Variants in MSI2 observed in about 807,000 individuals in gnomAD.
MSI2 encodes the protein RNA-binding protein Musashi homolog 2.
A neutral mutation model predicts 45.6 loss-of-function variants in MSI2; 17 were observed. That is an observed-to-expected ratio of 0.37 (90% confidence interval 0.26 to 0.56). MSI2 has a LOEUF of 0.56. Among genes scored for constraint, MSI2 ranks in the 20% least tolerant of loss-of-function variants. The pLI is 0.77. For synonymous variants in MSI2, 156 were observed against 158.2 expected, an observed-to-expected ratio of 0.99 and a Z score of 0.11; for missense variants, 293 against 444.2, an observed-to-expected ratio of 0.66 and a Z score of 3.06.
intron 6 of MSI2, among the ~76,000 whole-genome samples, chr17:57,518,655 G>A (rs557902538): frequency 6.6e-6 from 1 of 152,322 alleles, no homozygotes; most frequent in South Asian, 2.1e-4. Flanking sequence ...GAGCTGGCAG[G>A]CTTGGGCCTT....
At chr17:57,395,255 A>G (rs34217623) in intron 5 of MSI2, among the ~76,000 whole-genome samples, 15,314 of 152,318 alleles carry the variant, frequency 0.1, 962 homozygotes, top group Non-Finnish European at 0.14. Flanking sequence ...TTACATCTGT[A>G]AAGACCCTGT....
chr17:57,350,640 C>T (rs552162010), intron 5 of MSI2, among the ~76,000 whole-genome samples: 6 of 152,242 alleles, frequency 3.9e-5, no homozygotes, highest in South Asian at 2.1e-4. Context: ...CCTGCCTTTG[C>T]GCAGGGGATC....
In MSI2 at chr17:57,358,204, GGT is replaced by G. The variant is rs1295831661; in HGVS notation, c.313-43152_313-43151del. On this transcript the variant is annotated intron_variant, in intron 5 of 13. Transcript: ENST00000284073. Reference sequence around the variant, plus strand: ...GTGGGTTTTTCTGTGTGTGTGGGGGGGTGTGTGTGTGTGTGTGTGTGTGTTTA... The same window carrying G: ...GTGGGTTTTTCTGTGTGTGTGGGGGGGTGTGTGTGTGTGTGTGTGTGTTTA... Among the ~76,000 whole-genome samples, 251 of 72,484 alleles carry G rather than the reference GGT, an allele frequency of 3.5e-3. 4 individuals are homozygous for G. In the East Asian group the frequency reaches 0.043, roughly 12 times the overall value. 47.6% of individuals were successfully genotyped at this position (72,484 alleles called of 152,430 possible). A position where few individuals can be genotyped will look rare whatever the true frequency, so the allele number is the denominator to read the frequency against.
chr17:57,567,264 G>A lies in MSI2; in HGVS notation c.455-29604G>A, dbSNP rs1456780754. On this transcript the variant is annotated intron_variant, in intron 7 of 13. Coordinates refer to ENST00000284073, the MANE Select transcript of MSI2 (RefSeq NM_138962.4). ...TTGTATCTCGTGATTAAATAAGTGGGGAAAATGGCTTGAAAATTAGGTGCT... is the reference window on the plus strand; with the variant it reads ...TTGTATCTCGTGATTAAATAAGTGGAGAAAATGGCTTGAAAATTAGGTGCT... Among the ~76,000 whole-genome samples the A allele has an allele frequency of 2.0e-5, 3 of 152,114 alleles. No homozygotes were observed. The South Asian group carries it at 6.2e-4, about 32-fold the overall frequency.
chr17:57,613,726 C>T (rs1178039556), intron 8 of MSI2, among the ~76,000 whole-genome samples: 3 of 152,076 alleles, frequency 2.0e-5, no homozygotes, highest in African/African-American at 4.8e-5. Flanking sequence ...CTTTATTAGC[C>T]GTCTGTGAAT....
intron 7 of MSI2, among the ~76,000 whole-genome samples, chr17:57,595,484 G>T (rs1049596945): frequency 2.0e-5 from 3 of 152,086 alleles, no homozygotes; most frequent in Non-Finnish European, 4.4e-5. Context: ...CTGGAAGCTG[G>T]CAGTTAAGAG....
chr17:57,443,847 A>T (rs1318414141), intron 6 of MSI2, among the ~76,000 whole-genome samples: 1 of 152,190 alleles, frequency 6.6e-6, no homozygotes, highest in Non-Finnish European at 1.5e-5. Flanking sequence ...CACCCAGGGC[A>T]ACGTGCCTGG....
intron 10 of MSI2, among the ~76,000 whole-genome samples, chr17:57,647,402 T>C (rs9916124): frequency 0.22 from 32,433 of 149,262 alleles, 3,731 homozygotes; most frequent in East Asian, 0.3. Flanking sequence ...CAAGCCACGA[T>C]TGCACCACTG....
chr17:57,633,425 C>T (rs1360960408), intron 10 of MSI2, among the ~76,000 whole-genome samples: 1 of 152,268 alleles, frequency 6.6e-6, no homozygotes, highest in Admixed American at 6.5e-5. Flanking sequence ...CACAGTATCG[C>T]CCCGATGCTC....
At chr17:57,294,352 A>T (rs2143489702) in intron 5 of MSI2, among the ~76,000 whole-genome samples, 1 of 152,236 alleles carries the variant, frequency 6.6e-6, no homozygotes, top group Middle Eastern at 3.4e-3. Flanking sequence ...AGGGGCAGGC[A>T]TATCTCAGGG....
chr17:57,348,116 CT>C (rs1404574042), intron 5 of MSI2, among the ~76,000 whole-genome samples: 1 of 152,184 alleles, frequency 6.6e-6, no homozygotes, highest in Non-Finnish European at 1.5e-5. Flanking sequence ...TCTACTCTGC[CT>C]TTCTAAATGC....
rs56318280 is a variant in MSI2, at chr17:57,358,198, T to TGG, written c.313-43175_313-43174dup. 1.4e-4 allele frequency among the ~76,000 whole-genome samples: 21 copies of TGG among 147,628 alleles called. No individual in the cohort carries two copies. In the South Asian group the frequency reaches 3.4e-3, roughly 24 times the overall value. ...ATCTTCGTGGGTTTTTCTGTGTGTGTGGGGGGGTGTGTGTGTGTGTGTGTG... is the reference window on the plus strand; with the variant it reads ...ATCTTCGTGGGTTTTTCTGTGTGTGTGGGGGGGGGTGTGTGTGTGTGTGTGTG... On this transcript the variant is annotated intron_variant, in intron 5 of 13. Transcript: ENST00000284073.
intron 5 of MSI2, among the ~76,000 whole-genome samples, chr17:57,358,075 C>T (rs1333055226): frequency 6.6e-6 from 1 of 152,176 alleles, no homozygotes; most frequent in Non-Finnish European, 1.5e-5. Context: ...TTGGCTCCCA[C>T]GGGGAGTTGC....
intron 5 of MSI2, among the ~76,000 whole-genome samples, chr17:57,295,489 A>T (rs754132430): frequency 4.5e-4 from 68 of 152,104 alleles, no homozygotes; most frequent in Non-Finnish European, 6.9e-4. Context: ...GGGGATTATT[A>T]TTATTATTAT....
At chr17:57,447,098 T>C (rs950250219) in intron 6 of MSI2, among the ~76,000 whole-genome samples, 13 of 152,172 alleles carry the variant, frequency 8.5e-5, no homozygotes, top group South Asian at 6.2e-4. Flanking sequence ...CATTTATTTA[T>C]GTATTTAGAG....
intron 7 of MSI2, among the ~76,000 whole-genome samples, chr17:57,578,241 G>C (rs946772090): frequency 7.9e-5 from 12 of 152,214 alleles, no homozygotes; most frequent in African/African-American, 2.7e-4. Context: ...CGTTTGACAT[G>C]ATCTAATGGG....
At chr17:57,542,718 TA>T in intron 7 of MSI2, among the ~76,000 whole-genome samples, 1 of 152,162 alleles carries the variant, frequency 6.6e-6, no homozygotes. Flanking sequence ...TCAAACCCTT[TA>T]AAAAGGCAGC....
At chr17:57,508,694 A>G (rs1348331486) in intron 6 of MSI2, among the ~76,000 whole-genome samples, 1 of 152,202 alleles carries the variant, frequency 6.6e-6, no homozygotes, top group Non-Finnish European at 1.5e-5. Flanking sequence ...TTGGCAAGAC[A>G]TGGGAAACAG....
chr17:57,609,383 G>A (rs554912364), intron 8 of MSI2, among the ~76,000 whole-genome samples: 20 of 152,304 alleles, frequency 1.3e-4, no homozygotes, highest in African/African-American at 4.6e-4. Flanking sequence ...AGACGGTCAA[G>A]GTTGATACCT....
Sources: gnomAD v4.1 joint callset for allele counts (sites outside exome capture counted in the v4.1 genomes callset) on GRCh38, gnomAD v4.1.1 for gene constraint, MANE v1.5 for transcripts, NCBI Gene and HGNC (gene_info 2026-07-23, HGNC 2026-07-21) for gene names.